The following VPS54 variants were observed in gnomAD, a reference collection of about 807,000 sequenced individuals.
VPS54 encodes the protein vacuolar protein sorting-associated protein 54.
Under a neutral mutation model 121.5 loss-of-function variants are expected in VPS54, and 45 were observed. That is an observed-to-expected ratio of 0.37 (90% CI 0.29 to 0.47). The LOEUF (loss-of-function observed/expected upper bound fraction) is 0.47, where lower values mean the gene tolerates loss of function less well. Among genes scored for constraint, VPS54 ranks in the 20% least tolerant of loss-of-function variants. VPS54 has a pLI of 0.99. For missense variants in VPS54, 1,090 were observed against 1,131.4 expected (o/e 0.96, Z 0.52); for synonymous variants, 371 against 385.8 (o/e 0.96, Z 0.45).
Position 63,962,362 on chromosome 2 carries a change from T to C in VPS54, c.706A>G (p.Thr236Ala). The change falls in exon 7 of 23, where the codon ACC becomes GCC. Residue 236 changes from threonine to alanine, a missense_variant. Coordinates refer to ENST00000272322, the MANE Select transcript of VPS54 (RefSeq NM_016516.3). ...TAGTCCTGCAACTCGTGTTGAGAGGTCATTGCATGAAAAAATGCTTCTGAA... is the reference window on the plus strand; with the variant it reads ...TAGTCCTGCAACTCGTGTTGAGAGGCCATTGCATGAAAAAATGCTTCTGAA... ...LRSEAFFHAM[T>A]SQHELQDYLR... is the part of the protein sequence containing the mutation. The C allele has an allele frequency of 6.2e-7, 1 of 1,613,862 alleles. No homozygotes were observed. The highest frequency in any genetic ancestry group is 8.5e-7 in the Non-Finnish European group (1 of 1,179,858).
chr2:63,907,861 A>G (rs939133799), intron 20 of VPS54, among the ~76,000 whole-genome samples: 4 of 152,194 alleles, frequency 2.6e-5, no homozygotes, highest in Non-Finnish European at 5.9e-5. Flanking sequence ...TAAAACCACA[A>G]TGAGTATCAC....
At position 63,968,984 on chromosome 2, in the gene VPS54, G is replaced by C. The variant is rs779654691; in HGVS notation, c.465C>G (p.Ser155=). The C allele has an allele frequency of 2.5e-6, 4 of 1,600,504 alleles. No homozygotes were observed. In the Admixed American group the frequency reaches 5.3e-5, roughly 21 times the overall value. Residue 155 remains serine, a synonymous_variant, in exon 5 of 23, where the codon TCC becomes TCG. Transcript: ENST00000272322. The part of the protein sequence containing the change: ...ERTLLHTHDK[S]RTDLEQVPKI... The stretch of plus-strand genomic sequence containing the variant: ...TAGGTACTTGCTCCAGATCTGTCCT[G>C]GATTTATCTATTTAAAAAAGAAGGG...
At chr2:63,927,012 C>A (rs181763012) in intron 12 of VPS54, among the ~76,000 whole-genome samples, 1 of 152,174 alleles carries the variant, frequency 6.6e-6, no homozygotes, top group Non-Finnish European at 1.5e-5. Context: ...GAAGCTCAAA[C>A]TGGGCAGAGC....
chr2:63,992,616 AAC>A (rs1300066422), intron 1 of VPS54, among the ~76,000 whole-genome samples: 2 of 152,236 alleles, frequency 1.3e-5, no homozygotes, highest in African/African-American at 4.8e-5. Flanking sequence ...TTAGTTTCTG[AAC>A]AGTTACAACT....
At chr2:63,961,122 T>G (rs902537232) in intron 7 of VPS54, among the ~76,000 whole-genome samples, 2 of 152,220 alleles carry the variant, frequency 1.3e-5, no homozygotes, top group East Asian at 3.8e-4. Context: ...TAGAGACTTT[T>G]AGAGCACTGA....
intron 3 of VPS54, among the ~76,000 whole-genome samples, chr2:63,980,311 C>A (rs6546043): frequency 0.75 from 113,427 of 151,960 alleles, 43,899 homozygotes; most frequent in African/African-American, 0.91. Context: ...ATATTTTTTC[C>A]TCCTTTCAAA....
chr2:63,931,172 A>C (rs1674180824), intron 12 of VPS54, among the ~76,000 whole-genome samples: 1 of 151,504 alleles, frequency 6.6e-6, no homozygotes, highest in South Asian at 2.1e-4. Flanking sequence ...TACTAATGGA[A>C]CCAAAAAAGA....
intron 7 of VPS54, among the ~76,000 whole-genome samples, chr2:63,951,087 A>G (rs1013352745): frequency 6.6e-6 from 1 of 152,174 alleles, no homozygotes; most frequent in Non-Finnish European, 1.5e-5. Context: ...TGCCTTTCTC[A>G]TAGTAAGCCT....
chr2:64,008,583 A>G (rs1047832657), intron 1 of VPS54, among the ~76,000 whole-genome samples: 2 of 152,170 alleles, frequency 1.3e-5, no homozygotes, highest in Non-Finnish European at 2.9e-5. Context: ...ACCTTGAGAA[A>G]GACAGGACTT....
chr2:64,005,386 A>G (rs562933305), intron 1 of VPS54, among the ~76,000 whole-genome samples: 1 of 151,678 alleles, frequency 6.6e-6, no homozygotes, highest in Non-Finnish European at 1.5e-5. Context: ...TACAGGCGTG[A>G]GCCACCGCGC....
chr2:63,895,464 C>G (rs939434730), intron 22 of VPS54, among the ~76,000 whole-genome samples: 1 of 152,042 alleles, frequency 6.6e-6, no homozygotes, highest in Non-Finnish European at 1.5e-5. Context: ...AAAATAAAAT[C>G]AAAGTACAGG....
Position 63,904,801 on chromosome 2 carries a change from T to A in VPS54, c.2626-5220A>T, listed in dbSNP as rs548995028. On this transcript the variant is annotated intron_variant, in intron 20 of 22. Transcript: ENST00000272322. ...GCCAAGATATTCTTTGGCCACATTC[T>A]GGGCCACAAAAGAAATCTTAGACAT... Among the ~76,000 whole-genome samples the A allele has an allele frequency of 3.3e-4, 51 of 152,304 alleles. 1 individual carries two copies. The South Asian group carries it at 7.9e-3, about 23-fold the overall frequency.
intron 1 of VPS54, among the ~76,000 whole-genome samples, chr2:64,000,230 CTGTT>C (rs940220628): frequency 2.6e-5 from 4 of 152,122 alleles, no homozygotes; most frequent in Non-Finnish European, 5.9e-5. Flanking sequence ...TCCAGAATAT[CTGTT>C]TAATTATTTT....
intron 7 of VPS54, among the ~76,000 whole-genome samples, chr2:63,954,462 T>C (rs953497238): frequency 2.0e-5 from 3 of 152,152 alleles, no homozygotes; most frequent in Admixed American, 6.5e-5. Context: ...GAATCTAGCA[T>C]TTATCCTGTC....
At chr2:64,016,349 A>C (rs1374310456) in intron 1 of VPS54, among the ~76,000 whole-genome samples, 1 of 152,164 alleles carries the variant, frequency 6.6e-6, no homozygotes, top group Non-Finnish European at 1.5e-5. Flanking sequence ...TCAAATAAAA[A>C]ATTTTAACAT....
chr2:63,914,071 A>G, intron 17 of VPS54, 111 bp downstream of exon 17: 1 of 1,071,150 alleles, frequency 9.3e-7, no homozygotes, highest in South Asian at 1.4e-5. Context: ...TTATAAAACT[A>G]ATGTCTTAAA....
intron 7 of VPS54, among the ~76,000 whole-genome samples, chr2:63,957,359 G>C (rs1434571503): frequency 6.6e-6 from 1 of 150,524 alleles, no homozygotes. Flanking sequence ...GAAGAATGGC[G>C]TGAATCCGGG....
intron 12 of VPS54, among the ~76,000 whole-genome samples, chr2:63,930,896 A>G (rs1674163063): frequency 6.6e-6 from 1 of 152,228 alleles, no homozygotes; most frequent in South Asian, 2.1e-4. Flanking sequence ...CCAAATCATG[A>G]GCGAACTCCC....
intron 12 of VPS54, among the ~76,000 whole-genome samples, chr2:63,930,996 T>C (rs183019321): frequency 2.0e-5 from 3 of 152,284 alleles, no homozygotes; most frequent in Admixed American, 2.0e-4. Flanking sequence ...TACAAACCAC[T>C]GCTCAAGGAA....
Sources: allele counts gnomAD v4.1 joint callset (sites outside exome capture counted in the v4.1 genomes callset), GRCh38; gene constraint gnomAD v4.1.1; transcripts MANE v1.5; gene names NCBI Gene and HGNC (gene_info 2026-07-23, HGNC 2026-07-21).